RANBP17: variants seen among roughly 807,000 people sequenced by gnomAD.
RANBP17 encodes RAN binding protein 17.
A neutral mutation model predicts 141.2 loss-of-function variants in RANBP17; 158 were observed. The observed-to-expected ratio is 1.12, with a 90% CI of 0.98 to 1.28. The LOEUF (loss-of-function observed/expected upper bound fraction) is 1.28, where lower values mean the gene tolerates loss of function less well. Among genes scored for constraint, RANBP17 ranks in the 50% most tolerant of loss-of-function variants. The pLI is 0.00. For missense variants in RANBP17, 1,438 were observed against 1,290.7 expected (o/e 1.11, Z -1.75); for synonymous variants, 430 against 450.0 (o/e 0.96, Z 0.56).
intron 14 of RANBP17, among the ~76,000 whole-genome samples, chr5:171,048,394 T>C (rs1782733793): frequency 6.6e-6 from 1 of 152,176 alleles, no homozygotes; most frequent in Admixed American, 6.5e-5. Context: ...TTTTAATCTG[T>C]TCACACAATC....
At chr5:170,871,776 ATT>A (rs1440270555) in intron 1 of RANBP17, among the ~76,000 whole-genome samples, 1 of 152,154 alleles carries the variant, frequency 6.6e-6, no homozygotes, top group Non-Finnish European at 1.5e-5. Context: ...TAAATAGGGA[ATT>A]CTCTCCCCAT....
At chr5:171,208,972 C>A (rs1278451561) in intron 20 of RANBP17, among the ~76,000 whole-genome samples, 1 of 152,134 alleles carries the variant, frequency 6.6e-6, no homozygotes, top group Admixed American at 6.6e-5. Flanking sequence ...GGGCTAAGGG[C>A]TGTGCTAGGT....
At chr5:171,150,456 A>G (rs920156167) in intron 14 of RANBP17, among the ~76,000 whole-genome samples, 1 of 151,898 alleles carries the variant, frequency 6.6e-6, no homozygotes, top group African/African-American at 2.4e-5. Flanking sequence ...GCATTACACA[A>G]TTTGATGAAA....
chr5:171,170,289 A>G (rs1366548123), intron 15 of RANBP17, 86 bp downstream of exon 15: 11 of 552,282 alleles, frequency 2.0e-5, no homozygotes, highest in Middle Eastern at 4.9e-4. Context: ...ACCTTTTTAT[A>G]TATTAATTTT....
rs541803474 is a variant in RANBP17, at chr5:171,157,052, A to T, written c.1711-13078A>T. ...GCACTGTAAGGCATTTAGCAATTGT[A>T]TTTTAAAGGAGGTTTTTAAAATGCA... is the stretch of plus-strand genomic sequence containing the variant. On this transcript the variant is annotated intron_variant, in intron 14 of 27. Coordinates refer to ENST00000523189, the MANE Select transcript of RANBP17 (RefSeq NM_022897.5). Among the ~76,000 whole-genome samples the T allele has an allele frequency of 1.1e-4, 17 of 152,296 alleles. 1 individual carries two copies. In the South Asian group the frequency reaches 3.3e-3, roughly 30 times the overall value.
At chr5:170,897,561 GC>G (rs1258098990) in intron 5 of RANBP17, among the ~76,000 whole-genome samples, 2 of 132,374 alleles carry the variant, frequency 1.5e-5, no homozygotes. Context: ...CCCTCCCCTA[GC>G]CCCCCAACCC....
intron 14 of RANBP17, among the ~76,000 whole-genome samples, chr5:171,035,081 A>T (rs569256326): frequency 1.7e-4 from 25 of 144,504 alleles, no homozygotes; most frequent in Admixed American, 3.4e-4. Flanking sequence ...AAATGAAATT[A>T]TAAGTATAAG....
intron 4 of RANBP17, 102 bp downstream of exon 4, chr5:170,892,655 T>A (rs1013694625): frequency 5.2e-6 from 4 of 770,302 alleles, no homozygotes; most frequent in African/African-American, 1.8e-5. Flanking sequence ...TGACTACCAG[T>A]ACCATGTTAA....
chr5:170,906,984 T>G (rs1771120119), intron 5 of RANBP17, among the ~76,000 whole-genome samples: 1 of 151,972 alleles, frequency 6.6e-6, no homozygotes, highest in Non-Finnish European at 1.5e-5. Context: ...TTATGACATT[T>G]ACAGTTTCAA....
At chr5:170,957,969 A>C (rs560310468) in intron 13 of RANBP17, among the ~76,000 whole-genome samples, 1 of 152,192 alleles carries the variant, frequency 6.6e-6, no homozygotes, top group African/African-American at 2.4e-5. Flanking sequence ...TTCATTATTC[A>C]CTAATTCAGT....
intron 14 of RANBP17, among the ~76,000 whole-genome samples, chr5:171,034,818 TC>T: frequency 6.6e-6 from 1 of 152,166 alleles, no homozygotes; most frequent in East Asian, 2.0e-4. Context: ...AAGGTTTTTT[TC>T]TTTCTTTGTT....
intron 1 of RANBP17, chr5:170,866,784 T>G (rs1167447553): frequency 1.3e-5 from 2 of 152,118 alleles, no homozygotes; most frequent in East Asian, 3.8e-4. Flanking sequence ...GAGAAAGAAA[T>G]TTGTACACAA....
At chr5:171,184,890 C>T (rs368951398) in intron 18 of RANBP17, among the ~76,000 whole-genome samples, 19 of 152,088 alleles carry the variant, frequency 1.2e-4, no homozygotes, top group East Asian at 5.8e-4. Context: ...CGGCCAGGTG[C>T]GGTGGCTCAC....
chr5:170,864,162 G>A (rs1483269957), intron 1 of RANBP17, among the ~76,000 whole-genome samples: 1 of 152,148 alleles, frequency 6.6e-6, no homozygotes, highest in Non-Finnish European at 1.5e-5. Context: ...CTTGCCCAAC[G>A]TTACAGAGTT....
At chr5:170,991,356 G>A (rs918909634) in intron 14 of RANBP17, among the ~76,000 whole-genome samples, 2 of 151,854 alleles carry the variant, frequency 1.3e-5, no homozygotes, top group East Asian at 1.9e-4. Flanking sequence ...TCTGTTATTT[G>A]TTATAATAAG....
intron 14 of RANBP17, among the ~76,000 whole-genome samples, chr5:170,989,427 G>A (rs1253300040): frequency 1.3e-5 from 2 of 151,776 alleles, no homozygotes; most frequent in Non-Finnish European, 3.0e-5. Context: ...TAGGTTTCAA[G>A]ATAGTGATCC....
At chr5:171,140,970 A>G (rs991818527) in intron 14 of RANBP17, among the ~76,000 whole-genome samples, 3 of 152,322 alleles carry the variant, frequency 2.0e-5, no homozygotes, top group African/African-American at 7.2e-5. Context: ...GAATTAATGA[A>G]AAGCAGAAAC....
chr5:171,251,993 G>C, intron 24 of RANBP17: 4 of 1,609,424 alleles, frequency 2.5e-6, no homozygotes, highest in Non-Finnish European at 3.4e-6. Flanking sequence ...TATTTTTGTC[G>C]TCCATTTCGG....
At chr5:171,111,083 G>A (rs1361107842) in intron 14 of RANBP17, among the ~76,000 whole-genome samples, 2 of 151,502 alleles carry the variant, frequency 1.3e-5, no homozygotes, top group African/African-American at 4.9e-5. Flanking sequence ...CTTCCTACTG[G>A]TACAGGGAGA....
Sources: gnomAD v4.1 joint callset for allele counts (sites outside exome capture counted in the v4.1 genomes callset) on GRCh38, gnomAD v4.1.1 for gene constraint, MANE v1.5 for transcripts, NCBI Gene and HGNC (gene_info 2026-07-23, HGNC 2026-07-21) for gene names.